The following PTPRQ variants were observed in gnomAD, a reference collection of about 807,000 sequenced individuals.
PTPRQ encodes phosphatidylinositol phosphatase PTPRQ.
Under a neutral mutation model 246.0 loss-of-function variants are expected in PTPRQ, and 199 were observed. The ratio of observed to expected loss-of-function variants is 0.81; its 90% CI spans 0.72 to 0.91. The LOEUF (loss-of-function observed/expected upper bound fraction) is 0.91, where lower values mean the gene tolerates loss of function less well. Ranked by LOEUF, PTPRQ falls within the 40% of genes least tolerant of loss-of-function variation. The pLI is 0.00. For synonymous variants in PTPRQ, 869 were observed against 853.2 expected (o/e 1.02, Z -0.32); for missense variants, 2,624 against 2,528.4 (o/e 1.04, Z -0.81).
At chr12:80,457,511 A>C (rs1052196251) in intron 3 of PTPRQ, 64 bp from the exon 4 acceptor site, 2 of 399,892 alleles carry the variant, frequency 5.0e-6, no homozygotes, top group South Asian at 2.5e-4. Flanking sequence ...TTTTGTTTTA[A>C]ATTTTAGATT....
intron 4 of PTPRQ, among the ~76,000 whole-genome samples, chr12:80,458,005 GTGCTACATATGCAAGTTTATATCC>G: frequency 6.6e-6 from 1 of 152,080 alleles, no homozygotes; most frequent in South Asian, 2.1e-4. Context: ...AAATAAGCTT[GTGCTACATATGCAAGTTTATATCC>G]TGCCTTTTCT....
chr12:80,539,823 A>G lies in PTPRQ; in HGVS notation c.3033A>G (p.Val1011=), dbSNP rs1896097598. The G allele has an allele frequency of 5.8e-6, 9 of 1,548,208 alleles. No individual in the cohort carries two copies. The highest frequency in any genetic ancestry group is 7.9e-6 in the Non-Finnish European group (9 of 1,145,650). The change falls in exon 20 of 45, where the codon GTA becomes GTG. Residue 1011 remains valine (V), a synonymous_variant. Coordinates refer to ENST00000644991, the MANE Select transcript of PTPRQ (RefSeq NM_001145026.2). ...EVTNDFDNMT[V]STIIDKLTIF... ...CCAATGACTTTGACAATATGACTGTATCCACAATTATAGATAAACTGACAA... is the reference window on the plus strand; with the variant it reads ...CCAATGACTTTGACAATATGACTGTGTCCACAATTATAGATAAACTGACAA...
intron 39 of PTPRQ, among the ~76,000 whole-genome samples, chr12:80,660,948 G>T (rs564310199): frequency 6.6e-6 from 1 of 151,964 alleles, no homozygotes; most frequent in East Asian, 1.9e-4. Context: ...GTGTGAGGAA[G>T]AGCATAAGGT....
At chr12:80,554,402 A>G in intron 25 of PTPRQ, among the ~76,000 whole-genome samples, 1 of 152,180 alleles carries the variant, frequency 6.6e-6, no homozygotes, top group East Asian at 1.9e-4. Context: ...CAAAGCTAAT[A>G]AATGTTGGGA....
chr12:80,590,929 T>C (rs1266707287), intron 26 of PTPRQ, among the ~76,000 whole-genome samples: 1 of 152,036 alleles, frequency 6.6e-6, no homozygotes, highest in East Asian at 1.9e-4. Context: ...TCCACCTCCT[T>C]CTTCACATGA....
intron 33 of PTPRQ, among the ~76,000 whole-genome samples, chr12:80,629,708 G>C (rs1263421017): frequency 6.6e-6 from 1 of 152,150 alleles, no homozygotes; most frequent in Non-Finnish European, 1.5e-5. Context: ...GTTTTAAAAC[G>C]ATTGTCCTTG....
rs139815005 is a variant in PTPRQ at position 80,523,415 on chromosome 12, T to C, written c.2679-10600T>C. On this transcript the variant is annotated intron_variant, in intron 17 of 44. Coordinates refer to ENST00000644991, the MANE Select transcript of PTPRQ (RefSeq NM_001145026.2). ...TTCTTGCTTTCTGCTAGCTTTTGAA[T>C]GTGTTTGCTCTTGCTTCTCTAGTTC... 7.2e-3 allele frequency among the ~76,000 whole-genome samples: 1,090 copies of C among 152,330 alleles called. 81 individuals carry two copies. The East Asian group carries it at 0.16, about 23-fold the overall frequency.
At chr12:80,522,117 T>C (rs1895514763) in intron 17 of PTPRQ, among the ~76,000 whole-genome samples, 1 of 152,166 alleles carries the variant, frequency 6.6e-6, no homozygotes, top group South Asian at 2.1e-4. Context: ...TTATTCTCTT[T>C]GAAGCAATTG....
intron 17 of PTPRQ, among the ~76,000 whole-genome samples, chr12:80,528,831 T>C (rs1426310222): frequency 4.6e-5 from 7 of 152,226 alleles, no homozygotes. Flanking sequence ...AAGCTATCTA[T>C]GGATTATTAG....
intron 27 of PTPRQ, among the ~76,000 whole-genome samples, chr12:80,609,009 C>T (rs998614417): frequency 4.6e-5 from 7 of 150,704 alleles, no homozygotes; most frequent in East Asian, 3.9e-4. Context: ...AGGATTTCTA[C>T]GCTGATTTGT....
At chr12:80,627,861 A>G (rs1054073067) in intron 33 of PTPRQ, among the ~76,000 whole-genome samples, 5 of 152,162 alleles carry the variant, frequency 3.3e-5, no homozygotes, top group African/African-American at 1.2e-4. Flanking sequence ...GTCCATGCAT[A>G]ACAGTGAATC....
intron 25 of PTPRQ, among the ~76,000 whole-genome samples, chr12:80,572,466 C>T (rs1156453542): frequency 6.6e-6 from 1 of 151,826 alleles, no homozygotes; most frequent in African/African-American, 2.4e-5. Flanking sequence ...AAGTATTTTT[C>T]TCTCTTTCTT....
chr12:80,473,049 A>ACACG (rs1555185242), intron 8 of PTPRQ, among the ~76,000 whole-genome samples: 8 of 73,222 alleles, frequency 1.1e-4, no homozygotes, highest in African/African-American at 1.7e-4. Flanking sequence ...ACACACACGC[A>ACACG]CACACACACA....
At chr12:80,490,271 T>A (rs1054650782) in intron 9 of PTPRQ, among the ~76,000 whole-genome samples, 4 of 152,022 alleles carry the variant, frequency 2.6e-5, no homozygotes, top group Non-Finnish European at 5.9e-5. Context: ...TAGAAGCATT[T>A]CTTAAGAATA....
chr12:80,523,983 T>C (rs1039556539), intron 17 of PTPRQ, among the ~76,000 whole-genome samples: 7 of 152,140 alleles, frequency 4.6e-5, no homozygotes, highest in Non-Finnish European at 7.4e-5. Context: ...CTCCCATTAT[T>C]ATTGTGTGGG....
intron 8 of PTPRQ, among the ~76,000 whole-genome samples, chr12:80,476,075 A>T (rs1417812169): frequency 6.6e-6 from 1 of 151,666 alleles, no homozygotes; most frequent in Non-Finnish European, 1.5e-5. Context: ...GAGATTCTAC[A>T]TCAGTTCAAA....
At chr12:80,605,495 A>G (rs1479908995) in intron 27 of PTPRQ, among the ~76,000 whole-genome samples, 24 of 151,296 alleles carry the variant, frequency 1.6e-4, no homozygotes. Context: ...ATGTATGTAT[A>G]TATACACACA....
chr12:80,480,455 T>G (rs1893999019), intron 8 of PTPRQ, among the ~76,000 whole-genome samples: 1 of 150,508 alleles, frequency 6.6e-6, no homozygotes, highest in African/African-American at 2.5e-5. Context: ...AACATCACAA[T>G]TAAAAGAACT....
At chr12:80,642,908 A>T (rs1465383692) in intron 35 of PTPRQ, among the ~76,000 whole-genome samples, 1 of 106,164 alleles carries the variant, frequency 9.4e-6, no homozygotes, top group African/African-American at 4.8e-5. Flanking sequence ...CGACAGAGCG[A>T]GACTCCGTCT....
Sources: allele counts gnomAD v4.1 joint callset (sites outside exome capture counted in the v4.1 genomes callset), GRCh38; gene constraint gnomAD v4.1.1; transcripts MANE v1.5; gene names NCBI Gene and HGNC (gene_info 2026-07-23, HGNC 2026-07-21).